The following ANXA10 variants were observed in gnomAD, a reference collection of about 807,000 sequenced individuals.
ANXA10 encodes annexin A10.
A neutral mutation model predicts 53.5 loss-of-function variants in ANXA10; 49 were observed. The observed-to-expected ratio is 0.92, with a 90% CI of 0.73 to 1.16. ANXA10 has a LOEUF of 1.16. Ranked by LOEUF, ANXA10 falls within the 50% of genes most tolerant of loss-of-function variation. ANXA10 has a pLI of 0.00. For missense variants in ANXA10, 393 were observed against 394.4 expected (o/e 1.00, Z 0.03); for synonymous variants, 131 against 128.9 (o/e 1.02, Z -0.11).
rs147879474 is a variant in ANXA10, at chr4:168,128,214, T to A, written c.100+49T>A. The stretch of plus-strand genomic sequence containing the variant: ...CTTTTATTGTGATTATTTTTTGCTT[T>A]ACCTTGTTTTAAGACTATACTGTGG... On this transcript the variant is annotated intron_variant, in intron 2 of 11. Coordinates refer to ENST00000359299, the MANE Select transcript of ANXA10 (RefSeq NM_007193.5). 2.0e-6 allele frequency: 3 copies of A among 1,509,300 alleles called. No homozygotes were observed. In the East Asian group the frequency reaches 6.8e-5, roughly 34 times the overall value. The allele number at this position is 1,509,300 out of a possible 1,614,324, so 93.5% of individuals were successfully genotyped here. A position where few individuals can be genotyped will look rare whatever the true frequency, so the allele number is the denominator to read the frequency against.
intron 6 of ANXA10, among the ~76,000 whole-genome samples, chr4:168,168,534 C>T (rs1222176445): frequency 6.6e-6 from 1 of 152,060 alleles, no homozygotes; most frequent in Non-Finnish European, 1.5e-5. Context: ...ATTCTCCTAC[C>T]TCAGCCTCCC....
In ANXA10 at chr4:168,134,543, T is replaced by C. The variant is rs558176497; in HGVS notation, c.101-4943T>C. On this transcript the variant is annotated intron_variant, in intron 2 of 11. Coordinates refer to ENST00000359299, the MANE Select transcript of ANXA10 (RefSeq NM_007193.5). ...AGTAAGAATAAGACAAAGAAAGTAATTTTAAAATCTTCTATTTATTATCAA... is the reference window on the plus strand; with the variant it reads ...AGTAAGAATAAGACAAAGAAAGTAACTTTAAAATCTTCTATTTATTATCAA... 5.5e-4 allele frequency among the ~76,000 whole-genome samples: 84 copies of C among 152,272 alleles called. No individual in the cohort carries two copies. The South Asian group carries it at 0.013, about 24-fold the overall frequency.
intron 6 of ANXA10, among the ~76,000 whole-genome samples, chr4:168,168,148 A>G (rs1429833139): frequency 6.6e-6 from 1 of 152,218 alleles, no homozygotes; most frequent in Non-Finnish European, 1.5e-5. Flanking sequence ...TTTCCCTTCC[A>G]AGAAGTGATC....
chr4:168,156,923 A>G (rs1250749149), intron 3 of ANXA10, among the ~76,000 whole-genome samples: 1 of 152,102 alleles, frequency 6.6e-6, no homozygotes, highest in African/African-American at 2.4e-5. Context: ...CCTCTTACCT[A>G]GGATTCTCAT....
chr4:168,124,613 T>A (rs1731039661), intron 1 of ANXA10, among the ~76,000 whole-genome samples: 1 of 152,196 alleles, frequency 6.6e-6, no homozygotes, highest in South Asian at 2.1e-4. Flanking sequence ...GCATTGCCTA[T>A]ATGATACTCT....
chr4:168,187,200 T>G (rs1443335558), intron 11 of ANXA10, among the ~76,000 whole-genome samples, 166 bp from the exon 12 acceptor site: 1 of 152,160 alleles, frequency 6.6e-6, no homozygotes, highest in Non-Finnish European at 1.5e-5. Flanking sequence ...CAACTTTCAT[T>G]GGGAGCAGTA....
Position 168,164,181 on chromosome 4 carries a change from T to G in ANXA10, c.310-17T>G. 6.4e-7 allele frequency: 1 copy of G among 1,555,644 alleles called. No individual in the cohort carries two copies. The highest frequency in any genetic ancestry group is 8.9e-7 in the Non-Finnish European group (1 of 1,129,224). On this transcript the variant is annotated splice_polypyrimidine_tract_variant and intron_variant, in intron 4 of 11. Coordinates refer to ENST00000359299, the MANE Select transcript of ANXA10 (RefSeq NM_007193.5). The stretch of plus-strand genomic sequence containing the variant: ...ATAAAAATATCCTTACATTTATCTC[T>G]TTTTTCCTTTCTCTAGGGAGTAGGC...
intron 3 of ANXA10, among the ~76,000 whole-genome samples, chr4:168,156,426 CTATATAA>C (rs1731684595): frequency 4.4e-5 from 1 of 22,792 alleles, no homozygotes; most frequent in Non-Finnish European, 9.8e-5. Context: ...ATTATATATA[CTATATAA>C]TATATAATTT....
chr4:168,154,558 T>C (rs1731567700), intron 3 of ANXA10, among the ~76,000 whole-genome samples: 1 of 152,202 alleles, frequency 6.6e-6, no homozygotes, highest in Non-Finnish European at 1.5e-5. Flanking sequence ...ATGATCATTT[T>C]AATTTTTCTA....
chr4:168,175,841 T>C (rs1224400770), intron 6 of ANXA10, among the ~76,000 whole-genome samples: 1 of 152,214 alleles, frequency 6.6e-6, no homozygotes, highest in Non-Finnish European at 1.5e-5. Flanking sequence ...GGGCTACACA[T>C]TTATGCAAAA....
chr4:168,116,055 G>A (rs17053676), intron 1 of ANXA10, among the ~76,000 whole-genome samples: 3,565 of 152,040 alleles, frequency 0.023, 132 homozygotes, highest in African/African-American at 0.077. Context: ...CCTGCCCTCC[G>A]GAAGTTTAAA....
At chr4:168,135,940 A>G (rs1476231344) in intron 2 of ANXA10, among the ~76,000 whole-genome samples, 1 of 152,222 alleles carries the variant, frequency 6.6e-6, no homozygotes, top group East Asian at 1.9e-4. Flanking sequence ...TGCAGGCTGT[A>G]CAGGAAGCAT....
chr4:168,117,908 C>T (rs933703846), intron 1 of ANXA10, among the ~76,000 whole-genome samples: 1 of 140,866 alleles, frequency 7.1e-6, no homozygotes, highest in Non-Finnish European at 1.5e-5. Flanking sequence ...ACAATACTCA[C>T]TCACTCACTC....
intron 2 of ANXA10, among the ~76,000 whole-genome samples, chr4:168,137,129 A>T (rs1235170111): frequency 6.6e-6 from 1 of 152,146 alleles, no homozygotes; most frequent in Non-Finnish European, 1.5e-5. Flanking sequence ...CCAGGCAGGG[A>T]TCTAAATCCA....
At chr4:168,165,380 T>G (rs1484338892) in intron 6 of ANXA10, 54 bp downstream of exon 6, 2 of 894,888 alleles carry the variant, frequency 2.2e-6, no homozygotes, top group Non-Finnish European at 1.5e-6. Context: ...AATAAGTATA[T>G]GTCATTGCCA....
chr4:168,115,206 A>C (rs1730873384), intron 1 of ANXA10, among the ~76,000 whole-genome samples: 1 of 151,988 alleles, frequency 6.6e-6, no homozygotes, highest in Admixed American at 6.6e-5. Context: ...TTATTTATCT[A>C]GTCTATCACT....
chr4:168,103,379 G>A (rs972976092), intron 1 of ANXA10, among the ~76,000 whole-genome samples: 3 of 151,744 alleles, frequency 2.0e-5, no homozygotes, highest in African/African-American at 7.3e-5. Context: ...TTTTTTATAT[G>A]AATCTCCAAT....
At chr4:168,127,700 T>C (rs1214538209) in intron 1 of ANXA10, 2 of 434,934 alleles carry the variant, frequency 4.6e-6, no homozygotes, top group Admixed American at 6.0e-5. Flanking sequence ...ATTTTCTCTC[T>C]GCAATTGACA....
intron 1 of ANXA10, among the ~76,000 whole-genome samples, chr4:168,120,673 C>T (rs1730970591): frequency 6.6e-6 from 1 of 151,966 alleles, no homozygotes; most frequent in South Asian, 2.1e-4. Context: ...TCAATATCCT[C>T]ATCTTTTACA....
Sources: gnomAD v4.1 joint callset for allele counts (sites outside exome capture counted in the v4.1 genomes callset) on GRCh38, gnomAD v4.1.1 for gene constraint, MANE v1.5 for transcripts, NCBI Gene and HGNC (gene_info 2026-07-23, HGNC 2026-07-21) for gene names.